Variants in PDZRN4 observed in about 807,000 individuals in gnomAD.
The protein encoded by PDZRN4 is PDZ domain-containing RING finger protein 4.
PDZRN4 carries 70 observed loss-of-function variants against 99.0 expected under a neutral mutation model. That is an observed-to-expected ratio of 0.71 (90% CI 0.58 to 0.86). The LOEUF (loss-of-function observed/expected upper bound fraction) is 0.86. Among genes scored for constraint, PDZRN4 ranks in the 40% least tolerant of loss-of-function variants. The probability of loss-of-function intolerance (pLI) is 0.00; values close to 1 mark genes in which losing one functional copy is unlikely to be tolerated. For synonymous variants in PDZRN4, 551 were observed against 501.6 expected (o/e 1.10, Z -1.32); for missense variants, 1,474 against 1,331.2 (o/e 1.11, Z -1.67).
intron 3 of PDZRN4, among the ~76,000 whole-genome samples, chr12:41,484,933 T>C (rs1012991363): frequency 1.3e-5 from 2 of 152,140 alleles, no homozygotes; most frequent in Non-Finnish European, 2.9e-5. Flanking sequence ...AACCTCCCTC[T>C]GGCTGTCCAA....
At position 41,543,330 on chromosome 12, in the gene PDZRN4, T is replaced by C. The variant is rs117966517; in HGVS notation, c.1204-9326T>C. Among the ~76,000 whole-genome samples the C allele has an allele frequency of 4.7e-3, 712 of 151,988 alleles. 29 individuals are homozygous for C. In the South Asian group the frequency reaches 0.064, roughly 14 times the overall value. ...AAAAGCAATCTTCAGAATTAAAAAGTGTGTGTGTGTGTGAGAGAGAGAGAG... is the reference window on the plus strand; with the variant it reads ...AAAAGCAATCTTCAGAATTAAAAAGCGTGTGTGTGTGTGAGAGAGAGAGAG... On this transcript the variant is annotated intron_variant, in intron 5 of 9. Coordinates refer to ENST00000402685, the MANE Select transcript of PDZRN4 (RefSeq NM_001164595.2).
chr12:41,355,245 G>A (rs1421041623), intron 3 of PDZRN4, among the ~76,000 whole-genome samples: 2 of 152,046 alleles, frequency 1.3e-5, no homozygotes, highest in Non-Finnish European at 2.9e-5. Flanking sequence ...CATAGCAGAA[G>A]TTGAGAACAG....
chr12:41,308,533 C>T (rs368406966), intron 3 of PDZRN4, among the ~76,000 whole-genome samples: 4 of 152,106 alleles, frequency 2.6e-5, no homozygotes, highest in East Asian at 1.9e-4. Flanking sequence ...GGAAGCAATA[C>T]CAAAGATGAA....
chr12:41,572,452 CA>C lies in PDZRN4; in HGVS notation c.1674del (p.Asp559MetfsTer24). On this transcript the variant is annotated frameshift_variant, in exon 10 of 10. Transcript: ENST00000402685. LOFTEE classifies it high-confidence loss of function. ...GAGAAGGACAGTGGAGTAGGACGTA[CA>C]GATGAAAGCTTGCGAAATGATGAGA... ...NHEKDSGVGR[T>X]DESLRNDESS... 6.2e-7 allele frequency: 1 copy of C among 1,614,082 alleles called. No individual in the cohort carries two copies. The highest frequency in any genetic ancestry group is 2.2e-5 in the East Asian group (1 of 44,854).
chr12:41,478,680 G>A (rs1160424523), intron 3 of PDZRN4, among the ~76,000 whole-genome samples: 1 of 152,102 alleles, frequency 6.6e-6, no homozygotes, highest in East Asian at 1.9e-4. Context: ...CAACTGTGAT[G>A]ACAACATGAC....
chr12:41,444,063 G>C (rs1185561128), intron 3 of PDZRN4, among the ~76,000 whole-genome samples: 2 of 152,112 alleles, frequency 1.3e-5, no homozygotes, highest in East Asian at 3.9e-4. Flanking sequence ...TGGAAGTCAA[G>C]AGGAGAGAGA....
chr12:41,309,863 A>G (rs778608838), intron 3 of PDZRN4, among the ~76,000 whole-genome samples: 9 of 152,094 alleles, frequency 5.9e-5, no homozygotes, highest in Non-Finnish European at 1.2e-4. Flanking sequence ...AATATATACA[A>G]TATCCAACAT....
chr12:41,270,688 G>C (rs1951309493), intron 3 of PDZRN4, among the ~76,000 whole-genome samples: 1 of 152,022 alleles, frequency 6.6e-6, no homozygotes, highest in Admixed American at 6.6e-5. Flanking sequence ...ACTATTTCTT[G>C]ATATTTTTAT....
At chr12:41,442,897 G>A (rs939562127) in intron 3 of PDZRN4, among the ~76,000 whole-genome samples, 1 of 152,064 alleles carries the variant, frequency 6.6e-6, no homozygotes, top group African/African-American at 2.4e-5. Flanking sequence ...TCCTCAGAAT[G>A]GCTTTATTTC....
In PDZRN4 at chr12:41,345,810, A is replaced by G. The variant is rs191753210; in HGVS notation, c.843+151622A>G. Among the ~76,000 whole-genome samples the G allele has an allele frequency of 3.1e-3, 472 of 152,240 alleles. 5 individuals are homozygous for G. Among genetic ancestry groups the G allele is most frequent in the African/African-American group, 0.011 (449 of 41,526 alleles). ...CCAGTACAAATATTAAAACTGAAAG[A>G]TAAACTTCTGCAAATGATCACTGTT... On this transcript the variant is annotated intron_variant, in intron 3 of 9. Transcript: ENST00000402685.
chr12:41,550,190 C>T (rs192930931), intron 5 of PDZRN4, among the ~76,000 whole-genome samples: 1 of 152,186 alleles, frequency 6.6e-6, no homozygotes, highest in Admixed American at 6.6e-5. Flanking sequence ...AGAAAACGTT[C>T]AAAAAAGAAT....
chr12:41,521,949 G>A (rs891740835), intron 5 of PDZRN4, among the ~76,000 whole-genome samples: 1 of 152,064 alleles, frequency 6.6e-6, no homozygotes, highest in Non-Finnish European at 1.5e-5. Context: ...AATAGCCGTT[G>A]GAAGGGTAGT....
intron 3 of PDZRN4, chr12:41,409,648 C>T (rs1445675107): frequency 6.6e-6 from 1 of 152,024 alleles, no homozygotes; most frequent in African/African-American, 2.4e-5. Context: ...ATATATTTTT[C>T]AATATTCTCA....
chr12:41,208,322 AGAGT>A (rs1470039638), intron 3 of PDZRN4, among the ~76,000 whole-genome samples: 1 of 151,970 alleles, frequency 6.6e-6, no homozygotes, highest in Non-Finnish European at 1.5e-5. Context: ...TGCTGCTTTA[AGAGT>A]GATTCCCAAA....
At chr12:41,389,215 A>C (rs1952192880) in intron 3 of PDZRN4, among the ~76,000 whole-genome samples, 2 of 152,198 alleles carry the variant, frequency 1.3e-5, no homozygotes, top group African/African-American at 4.8e-5. Context: ...ATAAGATATA[A>C]AAAATACTGT....
At chr12:41,542,707 T>A (rs964448027) in intron 5 of PDZRN4, among the ~76,000 whole-genome samples, 3 of 152,134 alleles carry the variant, frequency 2.0e-5, no homozygotes, top group Non-Finnish European at 4.4e-5. Flanking sequence ...GCCACTAAAT[T>A]GTCAGATGAA....
At chr12:41,481,727 T>A (rs1410938807) in intron 3 of PDZRN4, among the ~76,000 whole-genome samples, 3 of 152,188 alleles carry the variant, frequency 2.0e-5, no homozygotes, top group East Asian at 3.9e-4. Context: ...AATTTCTCAC[T>A]TAGTATATGC....
At chr12:41,273,813 A>G (rs957549142) in intron 3 of PDZRN4, among the ~76,000 whole-genome samples, 1 of 152,114 alleles carries the variant, frequency 6.6e-6, no homozygotes, top group Non-Finnish European at 1.5e-5. Flanking sequence ...AAAATTACCA[A>G]ATGTATGCTA....
intron 5 of PDZRN4, among the ~76,000 whole-genome samples, chr12:41,528,247 G>C (rs1427034605): frequency 1.3e-5 from 2 of 151,906 alleles, no homozygotes; most frequent in East Asian, 3.9e-4. Flanking sequence ...CTGAACAATA[G>C]AGTGGCTGGT....
Sources: gnomAD v4.1 joint callset for allele counts (sites outside exome capture counted in the v4.1 genomes callset) on GRCh38, gnomAD v4.1.1 for gene constraint, MANE v1.5 for transcripts, NCBI Gene and HGNC (gene_info 2026-07-23, HGNC 2026-07-21) for gene names.